SEL1L2: variants seen among roughly 807,000 people sequenced by gnomAD.
The protein encoded by SEL1L2 is protein sel-1 homolog 2.
In SEL1L2, 89 loss-of-function variants were observed where a neutral mutation model predicts 98.8. The ratio of observed to expected loss-of-function variants is 0.90; its 90% CI spans 0.76 to 1.07. The LOEUF is 1.07. Among genes scored for constraint, SEL1L2 ranks in the 50% least tolerant of loss-of-function variants. The pLI is 0.00. For missense variants in SEL1L2, 788 were observed against 812.0 expected (o/e 0.97, Z 0.36); for synonymous variants, 262 against 278.5 (o/e 0.94, Z 0.59).
At chr20:13,983,754 C>A (rs944951578) in intron 1 of SEL1L2, among the ~76,000 whole-genome samples, 32 of 152,050 alleles carry the variant, frequency 2.1e-4, no homozygotes, top group African/African-American at 7.2e-4. Flanking sequence ...CTCCCGACCT[C>A]ACGTGATCTG....
chr20:13,893,683 C>T (rs929565241), intron 5 of SEL1L2, among the ~76,000 whole-genome samples: 1 of 152,132 alleles, frequency 6.6e-6, no homozygotes, highest in African/African-American at 2.4e-5. Flanking sequence ...TTGGACCAAA[C>T]AGACATATGT....
chr20:13,965,833 G>C (rs1244557313), intron 1 of SEL1L2, among the ~76,000 whole-genome samples: 1 of 151,746 alleles, frequency 6.6e-6, no homozygotes, highest in Non-Finnish European at 1.5e-5. Context: ...TGCGCCTGTA[G>C]TCCCAGCTAC....
intron 11 of SEL1L2, among the ~76,000 whole-genome samples, chr20:13,876,818 T>C (rs1233425746): frequency 6.6e-6 from 1 of 152,038 alleles, no homozygotes; most frequent in African/African-American, 2.4e-5. Flanking sequence ...CAGGTGCACA[T>C]TTTTATTTTA....
At position 13,850,297 on chromosome 20, in the gene SEL1L2, A is replaced by C; in HGVS notation, c.1841T>G (p.Leu614Trp). ...ACTCGTTTGAGCAGCCATGTCGTACAATCTTCTGGCCAAGTGAATGTCCTA... is the reference window on the plus strand; with the variant it reads ...ACTCGTTTGAGCAGCCATGTCGTACCATCTTCTGGCCAAGTGAATGTCCTA... ...ITKDIHLARRLYDMAAQTSPD... is the reference protein window; with the variant it reads ...ITKDIHLARRWYDMAAQTSPD... Residue 614 changes from leucine (L) to tryptophan (W), a missense_variant, in exon 19 of 20, where the codon TTG becomes TGG. By Grantham distance (61) the Leu-to-Trp change is moderately conservative. Transcript: ENST00000284951. 1.9e-6 allele frequency: 3 copies of C among 1,614,094 alleles called. No homozygotes were observed. Among genetic ancestry groups the C allele is most frequent in the South Asian group, 1.1e-5 (1 of 91,088 alleles).
At chr20:13,933,096 G>A (rs1236414793) in intron 2 of SEL1L2, among the ~76,000 whole-genome samples, 1 of 151,988 alleles carries the variant, frequency 6.6e-6, no homozygotes, top group Non-Finnish European at 1.5e-5. Flanking sequence ...TGTAATCCCC[G>A]CTACTTGGGA....
At chr20:13,864,142 T>C (rs1168757532) in intron 17 of SEL1L2, among the ~76,000 whole-genome samples, 1 of 152,052 alleles carries the variant, frequency 6.6e-6, no homozygotes, top group Non-Finnish European at 1.5e-5. Context: ...AGATTGCGGG[T>C]ATTGTTTCCC....
chr20:13,994,888 C>G (rs1480455436), upstream of SEL1L2: 2 of 152,242 alleles, frequency 1.3e-5, no homozygotes, highest in Non-Finnish European at 2.9e-5. Flanking sequence ...CTAAACTTCA[C>G]CAAATTCCAA....
At chr20:13,964,149 C>A in intron 1 of SEL1L2, among the ~76,000 whole-genome samples, 1 of 152,056 alleles carries the variant, frequency 6.6e-6, no homozygotes, top group Non-Finnish European at 1.5e-5. Flanking sequence ...GTTGGGGTTA[C>A]AGGCATGAGC....
intron 2 of SEL1L2, among the ~76,000 whole-genome samples, chr20:13,936,860 C>T (rs1456324676): frequency 6.6e-6 from 1 of 152,152 alleles, no homozygotes; most frequent in Non-Finnish European, 1.5e-5. Flanking sequence ...TCAAGCATCC[C>T]TTTGAACATA....
intron 5 of SEL1L2, among the ~76,000 whole-genome samples, chr20:13,907,722 CTTTCTTTCTTTCTTTCTTTCTTTCT>C (rs1269524346): frequency 3.1e-5 from 4 of 128,328 alleles, no homozygotes; most frequent in East Asian, 2.3e-4. Context: ...TTCTTTCTTT[CTTTCTTTCTTTCTTTCTTTCTTTCT>C]TTTCTTTTCT....
rs1177805871 is a variant in SEL1L2, at chr20:13,931,858, A to G, written c.115-87T>C. 6 of 1,135,562 alleles carry G rather than the reference A, an allele frequency of 5.3e-6. No homozygotes were observed. The African/African-American group carries it at 8.0e-5, about 15-fold the overall frequency. 70.3% of individuals were successfully genotyped at this position (1,135,562 alleles called of 1,614,324 possible). ...CAGGAAAGTGAAAATTCATATATTC[A>G]TGGCAAAAATACAAGCTTAATGCAA... On this transcript the variant is annotated intron_variant, in intron 2 of 19. Coordinates refer to ENST00000284951, the MANE Select transcript of SEL1L2 (RefSeq NM_025229.2).
intron 2 of SEL1L2, among the ~76,000 whole-genome samples, chr20:13,943,384 T>A (rs972406307): frequency 6.6e-6 from 1 of 152,160 alleles, no homozygotes; most frequent in Non-Finnish European, 1.5e-5. Flanking sequence ...TTATATTCTG[T>A]ATTTACATGC....
intron 1 of SEL1L2, among the ~76,000 whole-genome samples, chr20:13,988,796 T>C (rs2052385269): frequency 1.3e-5 from 2 of 152,136 alleles, no homozygotes; most frequent in African/African-American, 4.8e-5. Flanking sequence ...GTGAATCACC[T>C]GAGGTCAGGA....
intron 3 of SEL1L2, among the ~76,000 whole-genome samples, chr20:13,926,088 G>A (rs1424704647): frequency 1.3e-5 from 2 of 152,196 alleles, no homozygotes; most frequent in Non-Finnish European, 2.9e-5. Flanking sequence ...GGAGGACAAG[G>A]CGGGCGAATC....
chr20:13,885,280 T>C, intron 10 of SEL1L2, 67 bp downstream of exon 10: 1 of 1,034,862 alleles, frequency 9.7e-7, no homozygotes, highest in African/African-American at 1.6e-5. Flanking sequence ...CTGCTTTCAC[T>C]TCCCTGCCAG....
chr20:13,854,067 G>T (rs762859349), intron 18 of SEL1L2, among the ~76,000 whole-genome samples: 1 of 152,156 alleles, frequency 6.6e-6, no homozygotes, highest in Admixed American at 6.5e-5. Context: ...ATCCTTTCCA[G>T]AAAATAATTC....
chr20:13,899,350 T>C (rs1165280993), intron 5 of SEL1L2, among the ~76,000 whole-genome samples: 1 of 152,156 alleles, frequency 6.6e-6, no homozygotes, highest in Non-Finnish European at 1.5e-5. Flanking sequence ...ATGCTCTCAG[T>C]TTACTAACTT....
rs1987825509 is a variant in SEL1L2, at chr20:13,849,339, T to C, written c.*146A>G. The C allele has an allele frequency of 2.9e-6, 3 of 1,019,082 alleles. No individual in the cohort carries two copies. Among genetic ancestry groups the C allele is most frequent in the Non-Finnish European group, 4.4e-6 (3 of 689,302 alleles). The allele number at this position is 1,019,082 out of a possible 1,614,324, so 63.1% of individuals were successfully genotyped here. ...GAAGTCTGAAGTTGTTTCTCTAGGA[T>C]GGTCCCCAAGTCTTGTCTGTTTCCC... is the stretch of plus-strand genomic sequence containing the variant. On this transcript the variant is annotated 3_prime_UTR_variant, in exon 20 of 20. Coordinates refer to ENST00000284951, the MANE Select transcript of SEL1L2 (RefSeq NM_025229.2).
intron 5 of SEL1L2, among the ~76,000 whole-genome samples, chr20:13,892,674 C>T (rs989806794): frequency 5.3e-5 from 8 of 152,154 alleles, no homozygotes; most frequent in African/African-American, 1.9e-4. Flanking sequence ...ATAGTGATTC[C>T]TTCCCTATCA....
Sources: allele counts gnomAD v4.1 joint callset (sites outside exome capture counted in the v4.1 genomes callset), GRCh38; gene constraint gnomAD v4.1.1; transcripts MANE v1.5; gene names NCBI Gene and HGNC (gene_info 2026-07-23, HGNC 2026-07-21).